The following SLC17A1 variants were observed in gnomAD, a reference collection of about 807,000 sequenced individuals.
The protein encoded by SLC17A1 is solute carrier family 17 member 1.
Under a neutral mutation model 53.5 loss-of-function variants are expected in SLC17A1, and 51 were observed. The ratio of observed to expected loss-of-function variants is 0.95; its 90% CI spans 0.76 to 1.20. The LOEUF (loss-of-function observed/expected upper bound fraction) is 1.20, where lower values mean the gene tolerates loss of function less well. Among genes scored for constraint, SLC17A1 ranks in the 50% most tolerant of loss-of-function variants. The pLI, the probability that SLC17A1 is intolerant of heterozygous loss-of-function variation, is 0.00. For missense variants in SLC17A1, 538 were observed against 568.2 expected, an observed-to-expected ratio of 0.95 and a Z score of 0.54; for synonymous variants, 179 against 198.8, an observed-to-expected ratio of 0.90 and a Z score of 0.84.
chr6:25,731,464 T>C, the SLC17A1 span, among the ~76,000 whole-genome samples: 1 of 152,138 alleles, frequency 6.6e-6, no homozygotes, highest in Admixed American at 6.5e-5. Context: ...GAAAACGTCA[T>C]AGACAAAAAA....
chr6:25,769,436 T>C, the SLC17A1 span, among the ~76,000 whole-genome samples: 4 of 151,902 alleles, frequency 2.6e-5, no homozygotes, highest in Admixed American at 2.0e-4. Flanking sequence ...TAGGCACCTG[T>C]AATCCCAGCT....
the SLC17A1 span, among the ~76,000 whole-genome samples, chr6:25,771,918 G>T: frequency 0.046 from 6,934 of 152,156 alleles, 481 homozygotes; most frequent in African/African-American, 0.15. Flanking sequence ...TTACCTTCAT[G>T]GAGCTGTGGT....
chr6:25,727,121 C>T, the SLC17A1 span: 10 of 1,614,228 alleles, frequency 6.2e-6, no homozygotes, highest in Non-Finnish European at 8.5e-6. Context: ...TCACTGATAT[C>T]TTTGAGCGTA....
At chr6:25,733,375 G>A in the SLC17A1 span, among the ~76,000 whole-genome samples, 28 of 152,162 alleles carry the variant, frequency 1.8e-4, no homozygotes, top group African/African-American at 6.0e-4. Context: ...AACTCTTGTT[G>A]GGAGAGCATG....
At position 25,800,924 on chromosome 6, in the gene SLC17A1, AT is replaced by A; in HGVS notation, c.1234del (p.Ile412LeufsTer5). 1 of 1,610,344 alleles carries A rather than the reference AT, an allele frequency of 6.2e-7. No homozygotes were observed. Among genetic ancestry groups the A allele is most frequent in the Admixed American group, 1.7e-5 (1 of 60,008 alleles). The part of the protein sequence containing the change: ...STLTGMIGGL[I>X]ASTLTGLILK... The stretch of plus-strand genomic sequence containing the variant: ...GATCAATCCAGTCAAAGTGGAAGCA[AT>A]TAGTCCTCCTATCATTCCAGTTAAA... On this transcript the variant is annotated frameshift_variant, in exon 11 of 13. Coordinates refer to ENST00000244527, the MANE Select transcript of SLC17A1 (RefSeq NM_005074.5). LOFTEE classifies it high-confidence loss of function.
At chr6:25,827,161 T>C (rs752909363) in intron 2 of SLC17A1, among the ~76,000 whole-genome samples, 2 of 152,114 alleles carry the variant, frequency 1.3e-5, no homozygotes, top group Non-Finnish European at 2.9e-5. Context: ...CAGAAACAGA[T>C]ACACATATAT....
At chr6:25,782,235 G>T (rs1360735594), downstream of SLC17A1, among the ~76,000 whole-genome samples, 1 of 152,134 alleles carries the variant, frequency 6.6e-6, no homozygotes, top group Non-Finnish European at 1.5e-5. Flanking sequence ...AAAGAAAAAG[G>T]TCTGAAGTGC....
At chr6:25,773,364 A>C in the SLC17A1 span, 2 of 1,613,928 alleles carry the variant, frequency 1.2e-6, no homozygotes, top group African/African-American at 1.3e-5. Flanking sequence ...TGGTGAGAAG[A>C]GATACATTGT....
chr6:25,819,207 G>C, intron 5 of SLC17A1, 53 bp from the exon 6 acceptor site: 1 of 1,284,246 alleles, frequency 7.8e-7, no homozygotes. Flanking sequence ...TCTGAAAGCA[G>C]AGATAATGTA....
the SLC17A1 span, among the ~76,000 whole-genome samples, chr6:25,759,884 A>C: frequency 6.6e-6 from 1 of 152,238 alleles, no homozygotes; most frequent in African/African-American, 2.4e-5. Context: ...TATTTCAGAA[A>C]ATATCTGCAT....
At chr6:25,812,769 G>T in intron 8 of SLC17A1, 62 bp downstream of exon 8, 1 of 1,315,172 alleles carries the variant, frequency 7.6e-7, no homozygotes, top group Non-Finnish European at 1.1e-6. Context: ...GGTCGTTAGA[G>T]ACAGACAAAT....
the SLC17A1 span, among the ~76,000 whole-genome samples, chr6:25,755,048 TACACACAC>T: frequency 1.4e-4 from 21 of 145,036 alleles, no homozygotes; most frequent in South Asian, 4.4e-4. Context: ...CACACACACA[TACACACAC>T]ACACACACAC....
At chr6:25,793,358 G>C (rs1763541561) in intron 12 of SLC17A1, among the ~76,000 whole-genome samples, 1 of 152,134 alleles carries the variant, frequency 6.6e-6, no homozygotes, top group African/African-American at 2.4e-5. Flanking sequence ...AGAGCTGGGT[G>C]CAAGTGAGAA....
At chr6:25,732,221 G>A in the SLC17A1 span, 2 of 335,744 alleles carry the variant, frequency 6.0e-6, no homozygotes, top group Admixed American at 8.3e-5. Flanking sequence ...AGTGAAGCGT[G>A]ATATTTATAG....
At chr6:25,742,646 G>T in the SLC17A1 span, among the ~76,000 whole-genome samples, 1 of 151,772 alleles carries the variant, frequency 6.6e-6, no homozygotes, top group South Asian at 2.1e-4. Context: ...AATATGTATG[G>T]TGGGAAATTT....
At chr6:25,732,046 T>C in the SLC17A1 span, 9 of 1,345,636 alleles carry the variant, frequency 6.7e-6, no homozygotes, top group African/African-American at 1.5e-5. Flanking sequence ...TAGATGTAAA[T>C]AGAATAGCTC....
At chr6:25,775,825 G>T in the SLC17A1 span, among the ~76,000 whole-genome samples, 2 of 152,254 alleles carry the variant, frequency 1.3e-5, no homozygotes, top group Non-Finnish European at 2.9e-5. Context: ...ATACAAAACA[G>T]TATACTTAGT....
chr6:25,745,823 T>C, the SLC17A1 span, among the ~76,000 whole-genome samples: 5 of 152,344 alleles, frequency 3.3e-5, no homozygotes, highest in African/African-American at 1.2e-4. Flanking sequence ...CATGTGGGCA[T>C]CATCAGGGCA....
At chr6:25,823,683 G>A (rs1427213755) in intron 3 of SLC17A1, among the ~76,000 whole-genome samples, 3 of 151,792 alleles carry the variant, frequency 2.0e-5, no homozygotes, top group Admixed American at 2.0e-4. Flanking sequence ...ATTGAGTGTT[G>A]ATAGAAGTTC....
Sources: gnomAD v4.1 joint callset for allele counts (sites outside exome capture counted in the v4.1 genomes callset) on GRCh38, gnomAD v4.1.1 for gene constraint, MANE v1.5 for transcripts, NCBI Gene and HGNC (gene_info 2026-07-23, HGNC 2026-07-21) for gene names.